The following B4GALT6 variants were observed in gnomAD, a reference collection of about 807,000 sequenced individuals.
The protein encoded by B4GALT6 is UDP-Gal:beta-GlcNAc beta-1,4-galactosyltransferase 6.
B4GALT6 carries 14 observed loss-of-function variants against 46.3 expected under a neutral mutation model. The ratio of observed to expected loss-of-function variants is 0.30; its 90% confidence interval spans 0.20 to 0.47. The LOEUF (loss-of-function observed/expected upper bound fraction) is 0.47, where lower values mean the gene tolerates loss of function less well. B4GALT6 is among the 20% of genes least tolerant of loss of function. The pLI is 0.99. For missense variants in B4GALT6, 386 were observed against 480.1 expected (o/e 0.80, Z 1.83); for synonymous variants, 168 against 162.0 (o/e 1.04, Z -0.28).
chr18:31,714,108 C>T, the B4GALT6 span, among the ~76,000 whole-genome samples: 1 of 152,138 alleles, frequency 6.6e-6, no homozygotes, highest in Non-Finnish European at 1.5e-5. Flanking sequence ...CCATAGGCCA[C>T]ATGCAACTAT....
At chr18:31,672,194 TATCTC>T in intron 1 of B4GALT6, among the ~76,000 whole-genome samples, 1 of 152,236 alleles carries the variant, frequency 6.6e-6, no homozygotes. Flanking sequence ...GTGATCCTGA[TATCTC>T]TGTTCCTAGC....
At chr18:31,720,516 AC>A in the B4GALT6 span, among the ~76,000 whole-genome samples, 2 of 152,204 alleles carry the variant, frequency 1.3e-5, no homozygotes, top group Non-Finnish European at 2.9e-5. Flanking sequence ...AGGACACCAG[AC>A]CTGGAGCAGG....
At chr18:31,715,038 T>C in the B4GALT6 span, among the ~76,000 whole-genome samples, 1 of 152,328 alleles carries the variant, frequency 6.6e-6, no homozygotes, top group Non-Finnish European at 1.5e-5. Context: ...CTATGCAATG[T>C]GTATTTTATC....
rs1054070551 is a variant in B4GALT6 at position 31,638,893 on chromosome 18, A to G, written c.472-133T>C. 9.9e-6 allele frequency: 7 copies of G among 706,088 alleles called. No individual in the cohort carries two copies. In the African/African-American group the frequency reaches 1.3e-4, roughly 13 times the overall value. 43.7% of individuals were successfully genotyped at this position (706,088 alleles called of 1,614,324 possible). ...TTATGAATTTTCTCATCAGAGATACAACAGCAAGCAAACACGCAAAAAGCC... is the reference window on the plus strand; with the variant it reads ...TTATGAATTTTCTCATCAGAGATACGACAGCAAGCAAACACGCAAAAAGCC... On this transcript the variant is annotated intron_variant, in intron 4 of 8. Coordinates refer to ENST00000306851, the MANE Select transcript of B4GALT6 (RefSeq NM_004775.5).
At chr18:31,714,919 T>C in the B4GALT6 span, among the ~76,000 whole-genome samples, 1 of 152,194 alleles carries the variant, frequency 6.6e-6, no homozygotes, top group Admixed American at 6.5e-5. Context: ...GAGGATCACC[T>C]CCATAGGCTT....
chr18:31,723,094 A>C, the B4GALT6 span, among the ~76,000 whole-genome samples: 1 of 152,228 alleles, frequency 6.6e-6, no homozygotes, highest in African/African-American at 2.4e-5. Flanking sequence ...AATTTTTTGA[A>C]ATTTAAACAT....
chr18:31,666,898 C>T (rs72924804), intron 1 of B4GALT6, among the ~76,000 whole-genome samples: 4,936 of 152,176 alleles, frequency 0.032, 127 homozygotes, highest in Non-Finnish European at 0.05. Context: ...CTGTTTGGGT[C>T]ATTTCTAAGA....
chr18:31,708,967 T>G, the B4GALT6 span, among the ~76,000 whole-genome samples: 2 of 152,296 alleles, frequency 1.3e-5, no homozygotes, highest in Admixed American at 1.3e-4. Context: ...CTTTCACAAT[T>G]GTTGCAAATT....
At chr18:31,640,681 C>T (rs1368027969) in intron 4 of B4GALT6, among the ~76,000 whole-genome samples, 1 of 152,216 alleles carries the variant, frequency 6.6e-6, no homozygotes, top group Non-Finnish European at 1.5e-5. Context: ...TCTCTTGGCT[C>T]AGAAGCCTGA....
At chr18:31,662,657 C>T (rs371264433) in intron 2 of B4GALT6, among the ~76,000 whole-genome samples, 126 of 152,104 alleles carry the variant, frequency 8.3e-4, no homozygotes, top group Middle Eastern at 3.4e-3. Flanking sequence ...CTGGCTAACA[C>T]GGTGAAACCC....
intron 6 of B4GALT6, among the ~76,000 whole-genome samples, chr18:31,628,998 T>C (rs190576572): frequency 6.6e-6 from 1 of 152,302 alleles, no homozygotes; most frequent in Non-Finnish European, 1.5e-5. Context: ...TCCTCTTCCT[T>C]AGCCTACTCC....
chr18:31,685,486 C>T (rs1463238634), upstream of B4GALT6, among the ~76,000 whole-genome samples: 1 of 151,532 alleles, frequency 6.6e-6, no homozygotes, highest in East Asian at 2.0e-4. Flanking sequence ...GGCGCTGCGC[C>T]GGGCCCCGAG....
At chr18:31,670,348 C>G (rs1404293770) in intron 1 of B4GALT6, among the ~76,000 whole-genome samples, 1 of 152,258 alleles carries the variant, frequency 6.6e-6, no homozygotes, top group East Asian at 1.9e-4. Context: ...AGCCACCGCA[C>G]CAGGCCTTTA....
At chr18:31,695,041 A>G in the B4GALT6 span, among the ~76,000 whole-genome samples, 1 of 152,224 alleles carries the variant, frequency 6.6e-6, no homozygotes, top group Non-Finnish European at 1.5e-5. Context: ...AATAATTCTT[A>G]AGAATCATGC....
the B4GALT6 span, among the ~76,000 whole-genome samples, chr18:31,705,800 GT>G: frequency 6.6e-6 from 1 of 152,214 alleles, no homozygotes; most frequent in Non-Finnish European, 1.5e-5. Context: ...GGAGCTACAA[GT>G]AATTTCTGTA....
intron 4 of B4GALT6, 108 bp downstream of exon 4, chr18:31,645,247 A>C: frequency 6.8e-7 from 1 of 1,460,130 alleles, no homozygotes; most frequent in Non-Finnish European, 9.3e-7. Flanking sequence ...TTGATGTTTT[A>C]AATTTATCAA....
At chr18:31,706,380 C>T in the B4GALT6 span, among the ~76,000 whole-genome samples, 1 of 152,130 alleles carries the variant, frequency 6.6e-6, no homozygotes, top group Non-Finnish European at 1.5e-5. Flanking sequence ...CCTGTAATCC[C>T]AGCACTTTGG....
chr18:31,630,719 C>T (rs2073776418), intron 6 of B4GALT6, among the ~76,000 whole-genome samples: 1 of 152,116 alleles, frequency 6.6e-6, no homozygotes, highest in African/African-American at 2.4e-5. Flanking sequence ...GTGTGCTTGA[C>T]CACAGAAACC....
At chr18:31,688,599 T>C (rs191950104), upstream of B4GALT6, among the ~76,000 whole-genome samples, 53 of 152,320 alleles carry the variant, frequency 3.5e-4, no homozygotes, top group African/African-American at 1.2e-3. Context: ...TCAAAGTGCC[T>C]GAACTCTTTG....
Sources: allele counts gnomAD v4.1 joint callset (sites outside exome capture counted in the v4.1 genomes callset), GRCh38; gene constraint gnomAD v4.1.1; transcripts MANE v1.5; gene names NCBI Gene and HGNC (gene_info 2026-07-23, HGNC 2026-07-21).